POLR3B: variants seen among roughly 807,000 people sequenced by gnomAD.
POLR3B encodes the protein DNA-directed RNA polymerase III subunit RPC2.
POLR3B carries 96 observed loss-of-function variants against 147.4 expected under a neutral mutation model. The ratio of observed to expected loss-of-function variants is 0.65; its 90% CI spans 0.55 to 0.77. The LOEUF is 0.77. POLR3B is among the 30% of genes least tolerant of loss of function. POLR3B has a pLI of 0.00. For missense variants in POLR3B, 1,036 were observed against 1,413.5 expected, an observed-to-expected ratio of 0.73 and a Z score of 4.28; for synonymous variants, 461 against 485.9, an observed-to-expected ratio of 0.95 and a Z score of 0.67.
intron 17 of POLR3B, among the ~76,000 whole-genome samples, chr12:106,437,336 G>A (rs931747363): frequency 6.6e-6 from 1 of 152,176 alleles, no homozygotes; most frequent in Non-Finnish European, 1.5e-5. Flanking sequence ...CTTGATGTCA[G>A]TTAGTACACA....
intron 12 of POLR3B, among the ~76,000 whole-genome samples, chr12:106,418,825 AT>A (rs1349982969): frequency 2.6e-5 from 4 of 152,148 alleles, no homozygotes; most frequent in Non-Finnish European, 5.9e-5. Context: ...CTTGGACAGC[AT>A]TTTTTCTTTT....
At chr12:106,503,837 T>C (rs1323511726) in intron 26 of POLR3B, among the ~76,000 whole-genome samples, 1 of 152,248 alleles carries the variant, frequency 6.6e-6, no homozygotes, top group Non-Finnish European at 1.5e-5. Flanking sequence ...TGCAATTATA[T>C]ATTCATTTAA....
At chr12:106,490,684 C>G (rs1284946639) in intron 23 of POLR3B, among the ~76,000 whole-genome samples, 1 of 151,984 alleles carries the variant, frequency 6.6e-6, no homozygotes, top group African/African-American at 2.4e-5. Flanking sequence ...GAGGTTAATT[C>G]GATAGCTGGA....
At chr12:106,440,093 A>G (rs2037629663) in intron 18 of POLR3B, among the ~76,000 whole-genome samples, 1 of 152,160 alleles carries the variant, frequency 6.6e-6, no homozygotes, top group South Asian at 2.1e-4. Flanking sequence ...TATCCTGAGT[A>G]TAAAAGAAAA....
intron 20 of POLR3B, among the ~76,000 whole-genome samples, chr12:106,456,889 A>G (rs1045482444): frequency 2.0e-5 from 3 of 152,206 alleles, no homozygotes; most frequent in Non-Finnish European, 4.4e-5. Flanking sequence ...GGTGTATTCC[A>G]TGCAGAAAAT....
intron 9 of POLR3B, among the ~76,000 whole-genome samples, chr12:106,382,449 C>A (rs1367241256): frequency 6.6e-6 from 1 of 152,106 alleles, no homozygotes; most frequent in Non-Finnish European, 1.5e-5. Context: ...TTTATTTTGT[C>A]CAGATCCATC....
At chr12:106,476,036 TGAG>T in intron 23 of POLR3B, among the ~76,000 whole-genome samples, 1 of 151,138 alleles carries the variant, frequency 6.6e-6, no homozygotes, top group Non-Finnish European at 1.5e-5. Flanking sequence ...AGCACTTCCT[TGAG>T]GAGCTCTTTT....
intron 18 of POLR3B, 109 bp from the exon 19 acceptor site, chr12:106,444,354 G>A: frequency 8.0e-6 from 8 of 1,004,986 alleles, no homozygotes; most frequent in Non-Finnish European, 1.1e-5. Context: ...AAATTTTATT[G>A]ACATATAAAT....
At chr12:106,436,906 C>T (rs2037583948) in intron 16 of POLR3B, 151 bp from the exon 17 acceptor site, 5 of 697,862 alleles carry the variant, frequency 7.2e-6, no homozygotes, top group South Asian at 6.2e-5. Context: ...ACACCATGCT[C>T]ATCCATACAA....
intron 19 of POLR3B, among the ~76,000 whole-genome samples, chr12:106,452,186 G>A (rs955856638): frequency 6.6e-6 from 1 of 152,182 alleles, no homozygotes; most frequent in Non-Finnish European, 1.5e-5. Flanking sequence ...GCATTTTGAA[G>A]TTTTATGATA....
At chr12:106,393,801 CA>C (rs758226833) in intron 10 of POLR3B, among the ~76,000 whole-genome samples, 3,941 of 149,938 alleles carry the variant, frequency 0.026, 67 homozygotes, top group Non-Finnish European at 0.037. Flanking sequence ...CACACACACA[CA>C]CACCCCATAG....
At chr12:106,403,544 A>C (rs1388169327) in intron 10 of POLR3B, among the ~76,000 whole-genome samples, 2 of 152,136 alleles carry the variant, frequency 1.3e-5, no homozygotes, top group Non-Finnish European at 2.9e-5. Flanking sequence ...ACAATAGCAA[A>C]GACTTAGAAT....
intron 6 of POLR3B, among the ~76,000 whole-genome samples, chr12:106,373,922 A>G (rs949265466): frequency 1.4e-4 from 22 of 152,216 alleles, no homozygotes; most frequent in South Asian, 2.1e-4. Context: ...AACTTATTCT[A>G]TATTTTAAAA....
intron 19 of POLR3B, 67 bp from the exon 20 acceptor site, chr12:106,454,435 A>G (rs1387945413): frequency 1.2e-6 from 1 of 804,304 alleles, no homozygotes; most frequent in Non-Finnish European, 2.2e-6. Flanking sequence ...TTATCTCTAT[A>G]TTCATTACTA....
At chr12:106,403,902 G>A (rs2037110476) in intron 10 of POLR3B, among the ~76,000 whole-genome samples, 1 of 151,728 alleles carries the variant, frequency 6.6e-6, no homozygotes, top group Admixed American at 6.6e-5. Context: ...CATGGCACAT[G>A]TATACATATG....
At chr12:106,367,462 C>CA (rs1176917198) in intron 4 of POLR3B, among the ~76,000 whole-genome samples, 1 of 152,178 alleles carries the variant, frequency 6.6e-6, no homozygotes, top group African/African-American at 2.4e-5. Context: ...GGAATCAATC[C>CA]AGAGCTCCGT....
At chr12:106,425,796 C>G (rs1041863123) in intron 12 of POLR3B, among the ~76,000 whole-genome samples, 5 of 152,162 alleles carry the variant, frequency 3.3e-5, no homozygotes, top group Non-Finnish European at 5.9e-5. Context: ...TTCAATTACA[C>G]TATTTGCATC....
At chr12:106,375,084 C>T (rs906525410) in intron 6 of POLR3B, among the ~76,000 whole-genome samples, 2 of 152,202 alleles carry the variant, frequency 1.3e-5, no homozygotes, top group East Asian at 1.9e-4. Context: ...TGAGTGAATA[C>T]GTAGCAGAAT....
chr12:106,442,010 G>T (rs914544141), intron 18 of POLR3B, among the ~76,000 whole-genome samples: 1 of 151,522 alleles, frequency 6.6e-6, no homozygotes, highest in Non-Finnish European at 1.5e-5. Context: ...AACCCGGGAG[G>T]CGGAGGTTGC....
Sources: gnomAD v4.1 joint callset for allele counts (sites outside exome capture counted in the v4.1 genomes callset) on GRCh38, gnomAD v4.1.1 for gene constraint, MANE v1.5 for transcripts, NCBI Gene and HGNC (gene_info 2026-07-23, HGNC 2026-07-21) for gene names.